KAZN: variants seen among roughly 807,000 people sequenced by gnomAD.
The protein encoded by KAZN is kazrin.
Under a neutral mutation model 87.4 loss-of-function variants are expected in KAZN, and 40 were observed. That is an observed-to-expected ratio of 0.46 (90% CI 0.36 to 0.60). KAZN has a LOEUF of 0.60. Among genes scored for constraint, KAZN ranks in the 20% least tolerant of loss-of-function variants. The pLI is 0.00. For synonymous variants in KAZN, 466 were observed against 458.3 expected, an observed-to-expected ratio of 1.02 and a Z score of -0.22; for missense variants, 898 against 1,073.9, an observed-to-expected ratio of 0.84 and a Z score of 2.29.
chr1:14,353,225 CTTTTT>C (rs34074015), intron 2 of KAZN, among the ~76,000 whole-genome samples: 2 of 137,656 alleles, frequency 1.5e-5, no homozygotes, highest in Admixed American at 7.3e-5. Flanking sequence ...GATGACATCA[CTTTTT>C]TTTTTTTTTT....
At chr1:14,070,058 A>T (rs989050662) in intron 1 of KAZN, among the ~76,000 whole-genome samples, 5 of 151,456 alleles carry the variant, frequency 3.3e-5, no homozygotes, top group Non-Finnish European at 1.5e-5. Context: ...AGTCCCAGCT[A>T]CTCGGGAGGC....
chr1:14,943,009 T>G (rs77092793), intron 1 of KAZN, among the ~76,000 whole-genome samples: 128 of 31,584 alleles, frequency 4.1e-3, no homozygotes, highest in South Asian at 0.032. Context: ...GTGTGTGTGG[T>G]GTGTGTGTGT....
At chr1:13,960,901 G>A (rs2101023663) in intron 1 of KAZN, among the ~76,000 whole-genome samples, 1 of 152,302 alleles carries the variant, frequency 6.6e-6, no homozygotes, top group East Asian at 1.9e-4. Flanking sequence ...CTGTCATCCA[G>A]GTTCAGTTGG....
At chr1:14,786,178 C>T (rs1645503579) in intron 1 of KAZN, among the ~76,000 whole-genome samples, 1 of 152,162 alleles carries the variant, frequency 6.6e-6, no homozygotes, top group African/African-American at 2.4e-5. Context: ...CATGACTCTC[C>T]AACTCCATCT....
chr1:14,051,266 T>C (rs936627438), intron 1 of KAZN, among the ~76,000 whole-genome samples: 1 of 152,152 alleles, frequency 6.6e-6, no homozygotes, highest in African/African-American at 2.4e-5. Flanking sequence ...GGTGATTCTC[T>C]TTAAGCTGAT....
intron 2 of KAZN, among the ~76,000 whole-genome samples, chr1:14,361,252 T>C (rs1278435831): frequency 6.6e-6 from 1 of 152,222 alleles, no homozygotes; most frequent in African/African-American, 2.4e-5. Flanking sequence ...AACCGCCTAC[T>C]CAAGCCTCAG....
At chr1:14,106,544 C>G (rs1466817713) in intron 1 of KAZN, among the ~76,000 whole-genome samples, 2 of 152,130 alleles carry the variant, frequency 1.3e-5, no homozygotes, top group African/African-American at 4.8e-5. Context: ...CCAAAGGGCT[C>G]AGCTCCCAAG....
chr1:14,053,292 G>A (rs1312789106), intron 1 of KAZN, among the ~76,000 whole-genome samples: 2 of 152,202 alleles, frequency 1.3e-5, no homozygotes, highest in African/African-American at 4.8e-5. Flanking sequence ...GAGTGAGCTT[G>A]GAAGCAGCCC....
intron 1 of KAZN, among the ~76,000 whole-genome samples, chr1:14,827,354 T>A (rs1393333610): frequency 6.6e-6 from 1 of 152,196 alleles, no homozygotes; most frequent in Non-Finnish European, 1.5e-5. Flanking sequence ...GGTGCACCCA[T>A]CACCCGAGCA....
chr1:14,222,500 G>A (rs1380429085), intron 2 of KAZN, among the ~76,000 whole-genome samples: 1 of 152,184 alleles, frequency 6.6e-6, no homozygotes, highest in Non-Finnish European at 1.5e-5. Flanking sequence ...TTGGAGAAGA[G>A]GAGTGGCTGT....
At chr1:14,959,430 G>A (rs1237143607) in intron 1 of KAZN, among the ~76,000 whole-genome samples, 4 of 152,110 alleles carry the variant, frequency 2.6e-5, no homozygotes, top group African/African-American at 9.7e-5. Flanking sequence ...GGTGGGAAGA[G>A]GGAGAGGATG....
intron 1 of KAZN, among the ~76,000 whole-genome samples, chr1:14,838,799 T>C (rs1367398973): frequency 1.3e-5 from 2 of 152,168 alleles, no homozygotes; most frequent in Non-Finnish European, 2.9e-5. Flanking sequence ...TTTTTGTATT[T>C]GTAGTAGAGA....
At chr1:14,174,254 G>A (rs1257182008) in intron 1 of KAZN, among the ~76,000 whole-genome samples, 3 of 152,128 alleles carry the variant, frequency 2.0e-5, no homozygotes, top group East Asian at 1.9e-4. Context: ...GGGAAGTTCC[G>A]CACGGTGGGA....
rs780684709 is a variant in KAZN, at chr1:14,677,048, G to A, written c.226+77825G>A. Among the ~76,000 whole-genome samples, 10 of 152,148 alleles carry A rather than the reference G, an allele frequency of 6.6e-5. No homozygotes were observed. The East Asian group carries it at 1.5e-3, about 23-fold the overall frequency. On this transcript the variant is annotated intron_variant, in intron 1 of 14. Coordinates refer to ENST00000376030, the MANE Select transcript of KAZN (RefSeq NM_201628.3). ...CATTGGAGTGTTACCATCATCAACA[G>A]CATCCTCTTCATATTCTAGCATTTA...
intron 1 of KAZN, among the ~76,000 whole-genome samples, chr1:14,954,884 A>T (rs543582714): frequency 6.6e-6 from 1 of 150,718 alleles, no homozygotes; most frequent in African/African-American, 2.4e-5. Flanking sequence ...CCCAGGAGGC[A>T]GAGCTTGCAG....
intron 1 of KAZN, among the ~76,000 whole-genome samples, chr1:14,702,443 G>T (rs1383478932): frequency 6.6e-6 from 1 of 150,908 alleles, no homozygotes; most frequent in African/African-American, 2.4e-5. Context: ...TTCGCAAAAA[G>T]GTTATCAACC....
At chr1:15,008,796 A>G (rs1416830241) in intron 2 of KAZN, among the ~76,000 whole-genome samples, 1 of 151,490 alleles carries the variant, frequency 6.6e-6, no homozygotes, top group Non-Finnish European at 1.5e-5. Flanking sequence ...CCCTGGGCAG[A>G]GGCGGCAAAG....
At chr1:14,749,195 A>G (rs1644344749) in intron 1 of KAZN, among the ~76,000 whole-genome samples, 1 of 152,176 alleles carries the variant, frequency 6.6e-6, no homozygotes, top group Non-Finnish European at 1.5e-5. Flanking sequence ...GACCTGTTTC[A>G]GCCTCAGACT....
chr1:14,105,348 C>T (rs958244140), intron 1 of KAZN, among the ~76,000 whole-genome samples: 11 of 152,154 alleles, frequency 7.2e-5, no homozygotes, highest in Non-Finnish European at 5.9e-5. Context: ...GGAGTATGAG[C>T]CATGCTGGGC....
Sources: allele counts gnomAD v4.1 joint callset (sites outside exome capture counted in the v4.1 genomes callset), GRCh38; gene constraint gnomAD v4.1.1; transcripts MANE v1.5; gene names NCBI Gene and HGNC (gene_info 2026-07-23, HGNC 2026-07-21).